JAKMIP2: variants seen among roughly 807,000 people sequenced by gnomAD.
JAKMIP2 encodes janus kinase and microtubule-interacting protein 2.
JAKMIP2 carries 25 observed loss-of-function variants against 115.0 expected under a neutral mutation model. The ratio of observed to expected loss-of-function variants is 0.22; its 90% CI spans 0.16 to 0.30. The LOEUF (loss-of-function observed/expected upper bound fraction) is 0.30, where lower values mean the gene tolerates loss of function less well. Ranked by LOEUF, JAKMIP2 falls within the 10% of genes least tolerant of loss-of-function variation. The probability of loss-of-function intolerance (pLI) is 1.00; values close to 1 mark genes in which losing one functional copy is unlikely to be tolerated. For missense variants in JAKMIP2, 642 were observed against 957.6 expected (o/e 0.67, Z 4.35); for synonymous variants, 334 against 343.6 (o/e 0.97, Z 0.31).
At chr5:147,751,224 G>A (rs1754541486) in intron 1 of JAKMIP2, among the ~76,000 whole-genome samples, 1 of 150,244 alleles carries the variant, frequency 6.7e-6, no homozygotes, top group African/African-American at 2.4e-5. Flanking sequence ...GGCTCGTGCC[G>A]CCAGGCCCGG....
chr5:147,739,782 A>G (rs1051375981), intron 1 of JAKMIP2, among the ~76,000 whole-genome samples: 3 of 152,154 alleles, frequency 2.0e-5, no homozygotes, highest in Non-Finnish European at 4.4e-5. Flanking sequence ...GCTTAAATCA[A>G]GTTCTGAGCT....
intron 20 of JAKMIP2, among the ~76,000 whole-genome samples, chr5:147,607,173 C>G (rs530594901): frequency 6.4e-4 from 97 of 152,302 alleles, no homozygotes; most frequent in African/African-American, 2.2e-3. Flanking sequence ...ATTTCTTTCT[C>G]TTGTCTGATT....
intron 1 of JAKMIP2, among the ~76,000 whole-genome samples, chr5:147,690,215 G>T (rs1251568748): frequency 1.3e-5 from 2 of 151,866 alleles, no homozygotes; most frequent in African/African-American, 4.8e-5. Flanking sequence ...AAATTGTTAG[G>T]CATGGTGTTT....
At chr5:147,642,558 C>G (rs1364867231) in intron 7 of JAKMIP2, among the ~76,000 whole-genome samples, 1 of 151,966 alleles carries the variant, frequency 6.6e-6, no homozygotes. Flanking sequence ...AGGCAAATTC[C>G]TGGGCTCATG....
chr5:147,692,185 C>T (rs533508251), intron 1 of JAKMIP2, among the ~76,000 whole-genome samples: 46 of 152,160 alleles, frequency 3.0e-4, no homozygotes, highest in Admixed American at 1.2e-3. Flanking sequence ...ACAGATATAT[C>T]CAGGGGAGAA....
In JAKMIP2 at chr5:147,644,896, C is replaced by G; in HGVS notation, c.1037G>C (p.Arg346Pro). The part of the protein sequence containing the change: ...RNDELMVSLQ[R>P]MEEKLKAVTK... ...AACGGCTTTTAGTTTTTCTTCCATG[C>G]GCTGCAAGGACACCATCAGTTCATC... is the stretch of plus-strand genomic sequence containing the variant. The change falls in exon 6 of 22, where the codon CGC becomes CCC. Residue 346 changes from arginine (R) to proline (P), a missense_variant. Coordinates refer to ENST00000616793, the MANE Select transcript of JAKMIP2 (RefSeq NM_001270941.2). 1 of 1,613,674 alleles carries G rather than the reference C, an allele frequency of 6.2e-7. No individual in the cohort carries two copies. Among genetic ancestry groups the G allele is most frequent in the Non-Finnish European group, 8.5e-7 (1 of 1,179,754 alleles).
chr5:147,773,105 G>A (rs1755426321), intron 1 of JAKMIP2, among the ~76,000 whole-genome samples: 1 of 152,076 alleles, frequency 6.6e-6, no homozygotes, highest in South Asian at 2.1e-4. Context: ...AGTTTTACTT[G>A]AATTATAAAG....
chr5:147,612,451 G>A (rs913899501), intron 19 of JAKMIP2, 80 bp from the exon 20 acceptor site: 6 of 783,956 alleles, frequency 7.7e-6, no homozygotes, highest in African/African-American at 5.2e-5. Flanking sequence ...ATGAAAACAC[G>A]AAACTTCCTA....
intron 21 of JAKMIP2, among the ~76,000 whole-genome samples, chr5:147,596,144 C>T (rs758228101): frequency 1.4e-4 from 21 of 151,746 alleles, no homozygotes; most frequent in Non-Finnish European, 2.4e-4. Flanking sequence ...AGAGATTGCC[C>T]GTGTGGTTAG....
chr5:147,654,093 A>G (rs1021801312), intron 3 of JAKMIP2, among the ~76,000 whole-genome samples: 3 of 150,964 alleles, frequency 2.0e-5, no homozygotes, highest in Admixed American at 6.6e-5. Context: ...TACCAGTACT[A>G]TGCTGTTTTG....
At chr5:147,638,566 G>A (rs1267003084) in intron 10 of JAKMIP2, among the ~76,000 whole-genome samples, 1 of 152,042 alleles carries the variant, frequency 6.6e-6, no homozygotes, top group African/African-American at 2.4e-5. Context: ...ATGTGTGTGT[G>A]CATGCTACTG....
At chr5:147,721,010 TGTACAGATG>T (rs1162266412) in intron 1 of JAKMIP2, among the ~76,000 whole-genome samples, 3 of 151,458 alleles carry the variant, frequency 2.0e-5, no homozygotes, top group Admixed American at 2.0e-4. Flanking sequence ...ATGATGGTGA[TGTACAGATG>T]GGTTTTTGGT....
At chr5:147,631,843 G>A (rs916604927) in intron 13 of JAKMIP2, among the ~76,000 whole-genome samples, 4 of 152,076 alleles carry the variant, frequency 2.6e-5, no homozygotes, top group African/African-American at 7.2e-5. Context: ...TTTTATGGCC[G>A]CTAACAGCCT....
At chr5:147,744,884 C>T (rs1049426479) in intron 1 of JAKMIP2, among the ~76,000 whole-genome samples, 2 of 151,758 alleles carry the variant, frequency 1.3e-5, no homozygotes, top group Non-Finnish European at 2.9e-5. Flanking sequence ...ATGGTGAAAC[C>T]CCTTCTTTAC....
chr5:147,591,452 T>C lies in JAKMIP2; in HGVS notation c.*255A>G. On this transcript the variant is annotated 3_prime_UTR_variant, in exon 22 of 22. Transcript: ENST00000616793. ...ATGTTTATAGTTCTTCTCTTCTGAT[T>C]TGACATATACATGTTTCATTAAATG... 1.8e-6 allele frequency: 1 copy of C among 544,690 alleles called. No homozygotes were observed. Among genetic ancestry groups the C allele is most frequent in the Non-Finnish European group, 3.3e-6 (1 of 304,878 alleles). 33.7% of individuals were successfully genotyped at this position (544,690 alleles called of 1,614,324 possible).
At chr5:147,598,149 C>T (rs750675382) in intron 21 of JAKMIP2, among the ~76,000 whole-genome samples, 21 of 152,156 alleles carry the variant, frequency 1.4e-4, no homozygotes, top group African/African-American at 4.8e-4. Context: ...TACAGGCGCC[C>T]GCCACCACGC....
At chr5:147,748,377 C>T (rs760688774) in intron 1 of JAKMIP2, among the ~76,000 whole-genome samples, 5 of 151,764 alleles carry the variant, frequency 3.3e-5, no homozygotes, top group Non-Finnish European at 7.4e-5. Context: ...AGGTAGATGT[C>T]ATCATTATTC....
At chr5:147,722,267 A>G (rs968205106) in intron 1 of JAKMIP2, among the ~76,000 whole-genome samples, 2 of 152,124 alleles carry the variant, frequency 1.3e-5, no homozygotes, top group African/African-American at 4.8e-5. Context: ...TACCTGTGCA[A>G]TCATTTAAGG....
chr5:147,645,020 T>C, intron 5 of JAKMIP2, 24 bp from the exon 6 acceptor site: 1 of 1,610,656 alleles, frequency 6.2e-7, no homozygotes, highest in Non-Finnish European at 8.5e-7. Context: ...AGTGAAGATT[T>C]GTGTCTTGCG....
Sources: gnomAD v4.1 joint callset for allele counts (sites outside exome capture counted in the v4.1 genomes callset) on GRCh38, gnomAD v4.1.1 for gene constraint, MANE v1.5 for transcripts, NCBI Gene and HGNC (gene_info 2026-07-23, HGNC 2026-07-21) for gene names.